Variants in PTPRD observed in about 807,000 individuals in gnomAD.
PTPRD encodes the protein protein tyrosine phosphatase receptor type D, also known as receptor-type tyrosine-protein phosphatase delta.
In PTPRD, 34 loss-of-function variants were observed where a neutral mutation model predicts 214.5. That is an observed-to-expected ratio of 0.16 (90% CI 0.12 to 0.21). The LOEUF (loss-of-function observed/expected upper bound fraction) is 0.21, where lower values mean the gene tolerates loss of function less well. Ranked by LOEUF, PTPRD falls within the 10% of genes least tolerant of loss-of-function variation. The probability of loss-of-function intolerance (pLI) is 1.00; values close to 1 mark genes in which losing one functional copy is unlikely to be tolerated. For missense variants in PTPRD, 2,545 were observed against 2,398.7 expected (o/e 1.06, Z -1.27); for synonymous variants, 1,128 against 845.7 (o/e 1.33, Z -5.79).
chr9:9,834,227 T>A lies in PTPRD; in HGVS notation c.-367-67376A>T, dbSNP rs112845421. Among the ~76,000 whole-genome samples, 239 of 152,204 alleles carry A rather than the reference T, an allele frequency of 1.6e-3. 1 individual carries two copies. The highest frequency in any genetic ancestry group is 5.6e-3 in the African/African-American group (231 of 41,556). ...GGTCCCTCTGTTTGGGGTCCCTGAC[T>A]TCCCACAACAGGGTTCTAAATCACA... On this transcript the variant is annotated intron_variant, in intron 5 of 45. Coordinates refer to ENST00000381196, the MANE Select transcript of PTPRD (RefSeq NM_002839.4).
At chr9:8,812,809 T>C (rs112442013) in intron 11 of PTPRD, among the ~76,000 whole-genome samples, 4 of 151,796 alleles carry the variant, frequency 2.6e-5, no homozygotes, top group African/African-American at 9.7e-5. Context: ...TCAGAAACAT[T>C]GTTTAGAAAA....
chr9:10,482,205 A>G lies in PTPRD; in HGVS notation c.-600+130193T>C, dbSNP rs1402196539. The stretch of plus-strand genomic sequence containing the variant: ...GCTAACACAGTGAAACCCCATCTCT[A>G]CTAAAAATACAAAAAATTAGCCGGG... On this transcript the variant is annotated intron_variant, in intron 2 of 45. Coordinates refer to ENST00000381196, the MANE Select transcript of PTPRD (RefSeq NM_002839.4). 2.0e-5 allele frequency among the ~76,000 whole-genome samples: 3 copies of G among 151,812 alleles called. No individual in the cohort carries two copies. The East Asian group carries it at 5.9e-4, about 30-fold the overall frequency.
intron 4 of PTPRD, among the ~76,000 whole-genome samples, chr9:10,016,324 G>T (rs974250878): frequency 1.3e-5 from 2 of 151,984 alleles, no homozygotes; most frequent in Non-Finnish European, 2.9e-5. Context: ...AGCCATCCGT[G>T]TGTCCAGGGA....
intron 8 of PTPRD, among the ~76,000 whole-genome samples, chr9:9,565,128 T>C (rs1000013584): frequency 1.3e-5 from 2 of 151,744 alleles, no homozygotes; most frequent in Non-Finnish European, 3.0e-5. Flanking sequence ...CTTACTAATA[T>C]GTGTAAAAGG....
chr9:8,818,903 G>C (rs2096980241), intron 11 of PTPRD, among the ~76,000 whole-genome samples: 1 of 152,164 alleles, frequency 6.6e-6, no homozygotes, highest in Non-Finnish European at 1.5e-5. Flanking sequence ...TACTCCCGAA[G>C]AGTTCCCCGG....
intron 2 of PTPRD, among the ~76,000 whole-genome samples, chr9:10,577,511 G>A (rs1294745388): frequency 1.3e-5 from 2 of 152,124 alleles, no homozygotes; most frequent in African/African-American, 2.4e-5. Flanking sequence ...CTCCTGTTGA[G>A]CCTCCAAAAG....
chr9:9,215,184 G>A (rs1193357725), intron 9 of PTPRD, among the ~76,000 whole-genome samples: 1 of 152,146 alleles, frequency 6.6e-6, no homozygotes, highest in Non-Finnish European at 1.5e-5. Flanking sequence ...GAAGTCATCT[G>A]CTGGTGGGAA....
intron 3 of PTPRD, among the ~76,000 whole-genome samples, chr9:10,171,617 C>T (rs536164505): frequency 1.5e-3 from 226 of 152,276 alleles, no homozygotes; most frequent in Non-Finnish European, 8.1e-4. Context: ...CTCCGCCTCC[C>T]GGGTTCACGC....
intron 2 of PTPRD, among the ~76,000 whole-genome samples, chr9:10,387,035 T>C (rs546476359): frequency 4.6e-5 from 7 of 151,610 alleles, no homozygotes; most frequent in African/African-American, 1.5e-4. Context: ...AGTCAAGGAA[T>C]GGGGGTAGCC....
chr9:9,489,881 A>C (rs2095826487), intron 8 of PTPRD, among the ~76,000 whole-genome samples: 1 of 152,140 alleles, frequency 6.6e-6, no homozygotes, highest in South Asian at 2.1e-4. Flanking sequence ...TTGGTAAAAG[A>C]CATGAATATA....
intron 4 of PTPRD, among the ~76,000 whole-genome samples, chr9:10,029,123 G>A (rs2096994671): frequency 6.6e-6 from 1 of 152,216 alleles, no homozygotes; most frequent in Non-Finnish European, 1.5e-5. Context: ...TTGAGCCTGT[G>A]ACTACACAGA....
chr9:10,593,271 A>T (rs2075933643), intron 2 of PTPRD, among the ~76,000 whole-genome samples: 1 of 152,000 alleles, frequency 6.6e-6, no homozygotes, highest in South Asian at 2.1e-4. Flanking sequence ...GAGCTTTTGC[A>T]TTTCGAACAA....
intron 8 of PTPRD, among the ~76,000 whole-genome samples, chr9:9,429,115 C>G (rs572913253): frequency 6.6e-6 from 1 of 152,088 alleles, no homozygotes; most frequent in Non-Finnish European, 1.5e-5. Context: ...AATCCAGGAA[C>G]TGGTTTTTTG....
At chr9:9,126,324 G>C (rs891704335) in intron 10 of PTPRD, among the ~76,000 whole-genome samples, 3 of 152,142 alleles carry the variant, frequency 2.0e-5, no homozygotes, top group African/African-American at 7.2e-5. Context: ...CAGAAAAGTT[G>C]CCAACCGGTC....
chr9:8,370,119 A>T (rs1260778836), intron 39 of PTPRD, among the ~76,000 whole-genome samples: 1 of 152,022 alleles, frequency 6.6e-6, no homozygotes, highest in Non-Finnish European at 1.5e-5. Context: ...CAGTTTAATA[A>T]ATAGAAAGTT....
chr9:9,720,669 G>C (rs982383783), intron 7 of PTPRD, among the ~76,000 whole-genome samples: 2 of 152,118 alleles, frequency 1.3e-5, no homozygotes, highest in Admixed American at 6.5e-5. Flanking sequence ...AAAAATAAGA[G>C]TGTTCATAAA....
intron 34 of PTPRD, among the ~76,000 whole-genome samples, chr9:8,445,577 G>C (rs2095692563): frequency 6.6e-6 from 1 of 152,158 alleles, no homozygotes; most frequent in Non-Finnish European, 1.5e-5. Flanking sequence ...CTTACCATGT[G>C]AACACATCAC....
At chr9:9,192,813 C>T (rs1008862025) in intron 9 of PTPRD, among the ~76,000 whole-genome samples, 7 of 151,986 alleles carry the variant, frequency 4.6e-5, no homozygotes, top group Non-Finnish European at 7.4e-5. Context: ...TACAGAAAAT[C>T]AACTGTTAAT....
intron 9 of PTPRD, among the ~76,000 whole-genome samples, chr9:9,293,386 G>GTTTTTTTTTTTTT (rs137924508): frequency 7.2e-6 from 1 of 138,402 alleles, no homozygotes; most frequent in Non-Finnish European, 1.6e-5. Flanking sequence ...TTGTTTGTTT[G>GTTTTTTTTTTTTT]TTCTTTTTTT....
Sources: allele counts gnomAD v4.1 joint callset (sites outside exome capture counted in the v4.1 genomes callset), GRCh38; gene constraint gnomAD v4.1.1; transcripts MANE v1.5; gene names NCBI Gene and HGNC (gene_info 2026-07-23, HGNC 2026-07-21).